The following ERBB4 variants were observed in gnomAD, a reference collection of about 807,000 sequenced individuals.
The protein encoded by ERBB4 is receptor tyrosine-protein kinase erbB-4.
ERBB4 carries 42 observed loss-of-function variants against 158.0 expected under a neutral mutation model. The ratio of observed to expected loss-of-function variants is 0.27; its 90% CI spans 0.21 to 0.34. The LOEUF (loss-of-function observed/expected upper bound fraction) is 0.34, where lower values mean the gene tolerates loss of function less well. Ranked by LOEUF, ERBB4 falls within the 10% of genes least tolerant of loss-of-function variation. The pLI, the probability that ERBB4 is intolerant of heterozygous loss-of-function variation, is 1.00. For synonymous variants in ERBB4, 583 were observed against 558.7 expected (o/e 1.04, Z -0.61); for missense variants, 1,333 against 1,624.1 (o/e 0.82, Z 3.08).
intron 1 of ERBB4, among the ~76,000 whole-genome samples, chr2:212,528,385 G>A (rs1285399566): frequency 6.6e-6 from 1 of 152,132 alleles, no homozygotes; most frequent in African/African-American, 2.4e-5. Context: ...TAGTGCACCA[G>A]TTAGGCTTCA....
At chr2:212,188,184 G>GTC (rs1169851002) in intron 1 of ERBB4, among the ~76,000 whole-genome samples, 1 of 20,518 alleles carries the variant, frequency 4.9e-5, no homozygotes, top group African/African-American at 1.4e-4. Flanking sequence ...ATACCTTCAG[G>GTC]TCTCTCTCTC....
intron 2 of ERBB4, among the ~76,000 whole-genome samples, chr2:212,064,061 G>A (rs1296667924): frequency 1.3e-5 from 2 of 152,036 alleles, no homozygotes; most frequent in East Asian, 1.9e-4. Context: ...TTCCCTGCCT[G>A]GAGAACAAGA....
intron 26 of ERBB4, 65 bp downstream of exon 26, chr2:211,387,880 A>G (rs2062719392): frequency 7.3e-6 from 9 of 1,225,162 alleles, no homozygotes; most frequent in Non-Finnish European, 1.1e-5. Flanking sequence ...CAGAGACGAG[A>G]GAGGAAACAT....
intron 3 of ERBB4, among the ~76,000 whole-genome samples, chr2:211,934,530 C>T (rs145167993): frequency 1.1e-4 from 16 of 151,828 alleles, no homozygotes; most frequent in African/African-American, 3.9e-4. Flanking sequence ...CTTTTTCGAG[C>T]CTGCCATTTT....
At chr2:211,763,643 A>G (rs1575111549) in intron 4 of ERBB4, among the ~76,000 whole-genome samples, 3 of 151,890 alleles carry the variant, frequency 2.0e-5, no homozygotes, top group Admixed American at 2.0e-4. Flanking sequence ...CTTTTTTATT[A>G]TATATAAGAT....
At chr2:212,033,868 C>T (rs567781897) in intron 2 of ERBB4, among the ~76,000 whole-genome samples, 83 of 151,924 alleles carry the variant, frequency 5.5e-4, no homozygotes, top group South Asian at 2.9e-3. Flanking sequence ...TACCAAATTA[C>T]GCTGTGAAGA....
intron 20 of ERBB4, among the ~76,000 whole-genome samples, chr2:211,517,208 T>C (rs558105434): frequency 1.3e-5 from 2 of 152,208 alleles, no homozygotes; most frequent in African/African-American, 2.4e-5. Flanking sequence ...TTTCTAATCA[T>C]AAAAATAAGA....
chr2:212,195,693 A>G (rs1392657740), intron 1 of ERBB4, among the ~76,000 whole-genome samples: 1 of 152,086 alleles, frequency 6.6e-6, no homozygotes, highest in Admixed American at 6.6e-5. Flanking sequence ...AAAAATAAAC[A>G]ACAAAAACAT....
chr2:211,907,187 A>G (rs2079418096), intron 3 of ERBB4, among the ~76,000 whole-genome samples: 1 of 151,792 alleles, frequency 6.6e-6, no homozygotes, highest in South Asian at 2.1e-4. Context: ...ATATCTAAGA[A>G]AAATATATTG....
chr2:212,349,090 G>A (rs1042700868), intron 1 of ERBB4, among the ~76,000 whole-genome samples: 2 of 152,058 alleles, frequency 1.3e-5, no homozygotes, highest in Non-Finnish European at 2.9e-5. Flanking sequence ...GTGGTGACAC[G>A]AATATAGGTA....
intron 2 of ERBB4, among the ~76,000 whole-genome samples, chr2:212,057,596 C>G (rs2077621226): frequency 6.6e-6 from 1 of 152,146 alleles, no homozygotes; most frequent in African/African-American, 2.4e-5. Context: ...GACCACAGTG[C>G]AATCAAACTA....
At chr2:212,146,866 A>T (rs1457466847) in intron 1 of ERBB4, among the ~76,000 whole-genome samples, 1 of 152,030 alleles carries the variant, frequency 6.6e-6, no homozygotes, top group Non-Finnish European at 1.5e-5. Context: ...ACACCCAAGA[A>T]TCTCTCTATC....
chr2:212,076,002 T>C lies in ERBB4; in HGVS notation c.234+48750A>G, dbSNP rs113618422. On this transcript the variant is annotated intron_variant, in intron 2 of 27. Coordinates refer to ENST00000342788, the MANE Select transcript of ERBB4 (RefSeq NM_005235.3). ...TTTTAACTAGAGAATTTTAATTTTA[T>C]TCTGCCTATTAAGATATTTAAGTAA... Among the ~76,000 whole-genome samples the C allele has an allele frequency of 6.8e-3, 1,030 of 152,074 alleles. 7 individuals carry two copies. Among genetic ancestry groups the C allele is most frequent in the African/African-American group, 0.011 (472 of 41,568 alleles).
At chr2:211,505,650 A>C (rs2065726834) in intron 20 of ERBB4, among the ~76,000 whole-genome samples, 1 of 152,160 alleles carries the variant, frequency 6.6e-6, no homozygotes. Flanking sequence ...TAAACAGCCT[A>C]AATGCTTCAC....
chr2:212,059,379 AT>A (rs1209588234), intron 2 of ERBB4, among the ~76,000 whole-genome samples: 1 of 152,148 alleles, frequency 6.6e-6, no homozygotes, highest in Admixed American at 6.5e-5. Flanking sequence ...AGGTAATTTA[AT>A]AGATCCAATG....
intron 2 of ERBB4, among the ~76,000 whole-genome samples, chr2:212,075,380 T>C (rs538836371): frequency 6.6e-6 from 1 of 151,994 alleles, no homozygotes. Flanking sequence ...CAATACAGCT[T>C]GGATGAAAAA....
chr2:211,432,068 A>G (rs574404677), intron 20 of ERBB4, among the ~76,000 whole-genome samples: 123 of 152,278 alleles, frequency 8.1e-4, no homozygotes, highest in African/African-American at 2.9e-3. Context: ...GAGTGAATAT[A>G]TTTTTGTTGA....
At chr2:212,372,469 G>C (rs529032654) in intron 1 of ERBB4, among the ~76,000 whole-genome samples, 1 of 152,078 alleles carries the variant, frequency 6.6e-6, no homozygotes, top group Admixed American at 6.6e-5. Flanking sequence ...AAGATGCCTG[G>C]CCAGGCGCGG....
intron 2 of ERBB4, among the ~76,000 whole-genome samples, chr2:211,991,931 T>A (rs972255666): frequency 6.6e-6 from 1 of 152,124 alleles, no homozygotes; most frequent in African/African-American, 2.4e-5. Flanking sequence ...AGCAGATTAT[T>A]TGATAAAGTT....
Sources: allele counts gnomAD v4.1 joint callset (sites outside exome capture counted in the v4.1 genomes callset), GRCh38; gene constraint gnomAD v4.1.1; transcripts MANE v1.5; gene names NCBI Gene and HGNC (gene_info 2026-07-23, HGNC 2026-07-21).